TRIM24: variants seen among roughly 807,000 people sequenced by gnomAD.
TRIM24 encodes tripartite motif containing 24, also known as transcription intermediary factor 1-alpha.
A neutral mutation model predicts 123.9 loss-of-function variants in TRIM24; 29 were observed. That is an observed-to-expected ratio of 0.23 (90% CI 0.17 to 0.32). The LOEUF is 0.32. Among genes scored for constraint, TRIM24 ranks in the 10% least tolerant of loss-of-function variants. The pLI, the probability that TRIM24 is intolerant of heterozygous loss-of-function variation, is 1.00. For synonymous variants in TRIM24, 456 were observed against 461.1 expected (o/e 0.99, Z 0.14); for missense variants, 932 against 1,295.3 (o/e 0.72, Z 4.31).
chr7:138,548,527 T>C (rs1459207667), intron 7 of TRIM24, among the ~76,000 whole-genome samples: 1 of 152,154 alleles, frequency 6.6e-6, no homozygotes, highest in African/African-American at 2.4e-5. Flanking sequence ...GATGAATGAC[T>C]GTGAAGGCGT....
intron 8 of TRIM24, among the ~76,000 whole-genome samples, chr7:138,551,473 G>A (rs148371591): frequency 2.0e-5 from 3 of 152,220 alleles, no homozygotes; most frequent in Non-Finnish European, 2.9e-5. Flanking sequence ...AAGAAAATAT[G>A]TTCTCTCACT....
intron 1 of TRIM24, among the ~76,000 whole-genome samples, chr7:138,476,681 G>A (rs1281848876): frequency 6.6e-6 from 1 of 151,824 alleles, no homozygotes; most frequent in Non-Finnish European, 1.5e-5. Context: ...AGGAAAGGAA[G>A]ATAATCCATT....
intron 1 of TRIM24, among the ~76,000 whole-genome samples, chr7:138,464,748 CTT>C (rs981864699): frequency 6.6e-5 from 10 of 152,080 alleles, no homozygotes; most frequent in African/African-American, 2.2e-4. Flanking sequence ...ATTTCATACA[CTT>C]TTTAGATTTC....
chr7:138,533,567 A>C (rs1210162964), intron 6 of TRIM24, among the ~76,000 whole-genome samples: 1 of 152,172 alleles, frequency 6.6e-6, no homozygotes, highest in African/African-American at 2.4e-5. Context: ...GATGAAGCCC[A>C]CTTGATCATG....
Position 138,585,079 on chromosome 7 carries a change from C to G in TRIM24, c.*128C>G, listed in dbSNP as rs1400986106. On this transcript the variant is annotated 3_prime_UTR_variant, in exon 19 of 19. Transcript: ENST00000343526. ...TTCTCATCTCTGTTTTGGACGTTTACTAGACTTTGATTTCCTTAATAGCCC... is the reference window on the plus strand; with the variant it reads ...TTCTCATCTCTGTTTTGGACGTTTAGTAGACTTTGATTTCCTTAATAGCCC... 3 of 750,952 alleles carry G rather than the reference C, an allele frequency of 4.0e-6. No individual in the cohort carries two copies. In the East Asian group the frequency reaches 8.8e-5, roughly 22 times the overall value. 46.5% of individuals were successfully genotyped at this position (750,952 alleles called of 1,614,324 possible).
At chr7:138,583,401 C>T (rs1797944417) in intron 17 of TRIM24, among the ~76,000 whole-genome samples, 1 of 152,196 alleles carries the variant, frequency 6.6e-6, no homozygotes, top group Non-Finnish European at 1.5e-5. Flanking sequence ...AGGCAGATTG[C>T]TTGAACCCAG....
At chr7:138,566,222 AAT>A (rs1491153443) in intron 9 of TRIM24, among the ~76,000 whole-genome samples, 20 of 152,192 alleles carry the variant, frequency 1.3e-4, no homozygotes, top group Non-Finnish European at 2.6e-4. Flanking sequence ...TTGCTTTGAA[AAT>A]ATGTTTTCTG....
chr7:138,556,922 C>T (rs895513588), intron 9 of TRIM24, among the ~76,000 whole-genome samples: 4 of 152,208 alleles, frequency 2.6e-5, no homozygotes, highest in African/African-American at 9.7e-5. Context: ...ATTTAAATGG[C>T]ACAAAACTCG....
At chr7:138,568,379 C>CT (rs60386130) in intron 10 of TRIM24, among the ~76,000 whole-genome samples, 2,116 of 68,636 alleles carry the variant, frequency 0.031, 132 homozygotes, top group African/African-American at 0.033. Flanking sequence ...ACCTGGCCTC[C>CT]TTTTTTTTTT....
At chr7:138,582,184 C>CA (rs1283393472) in intron 17 of TRIM24, among the ~76,000 whole-genome samples, 1 of 152,072 alleles carries the variant, frequency 6.6e-6, no homozygotes, top group Non-Finnish European at 1.5e-5. Flanking sequence ...GTTACCAATA[C>CA]AAAAAAAGTT....
chr7:138,509,323 T>TAATAG (rs1281104169), intron 2 of TRIM24, among the ~76,000 whole-genome samples: 1 of 148,386 alleles, frequency 6.7e-6, no homozygotes, highest in Non-Finnish European at 1.5e-5. Context: ...ATGTATAATA[T>TAATAG]ATATATAATA....
At chr7:138,500,738 G>A (rs768258761) in intron 1 of TRIM24, among the ~76,000 whole-genome samples, 6 of 151,834 alleles carry the variant, frequency 4.0e-5, no homozygotes, top group Non-Finnish European at 5.9e-5. Flanking sequence ...ATCCAGGCAT[G>A]GTGGTGCAGT....
intron 2 of TRIM24, among the ~76,000 whole-genome samples, chr7:138,505,146 A>G (rs1371372883): frequency 6.6e-6 from 1 of 152,212 alleles, no homozygotes; most frequent in East Asian, 1.9e-4. Flanking sequence ...ATTGATCTAT[A>G]AAGTTATATA....
rs1404579889 is a variant in TRIM24, at chr7:138,562,679, T to C, written c.1531-4802T>C. Among the ~76,000 whole-genome samples the C allele has an allele frequency of 2.6e-5, 4 of 152,188 alleles. No individual in the cohort carries two copies. In the South Asian group the frequency reaches 8.3e-4, roughly 32 times the overall value. ...TCTACTACCACTGGCATCTAATCTT[T>C]AGCCAGCCCGGGTGGGTTATCTTCA... On this transcript the variant is annotated intron_variant, in intron 9 of 18. Transcript: ENST00000343526.
intron 18 of TRIM24, among the ~76,000 whole-genome samples, chr7:138,584,372 CAGACTT>C (rs1797969049): frequency 6.6e-6 from 1 of 152,158 alleles, no homozygotes; most frequent in African/African-American, 2.4e-5. Context: ...ACACATCAGT[CAGACTT>C]AGAACCTTTT....
intron 1 of TRIM24, among the ~76,000 whole-genome samples, chr7:138,482,145 G>T (rs1163985517): frequency 2.0e-5 from 3 of 152,000 alleles, no homozygotes; most frequent in Non-Finnish European, 4.4e-5. Flanking sequence ...AAAGGGTCTT[G>T]CTATGTTGCC....
intron 4 of TRIM24, 94 bp from the exon 5 acceptor site, chr7:138,525,147 T>C: frequency 1.7e-6 from 1 of 572,270 alleles, no homozygotes; most frequent in Non-Finnish European, 2.9e-6. Flanking sequence ...ATAAATTCTT[T>C]ATAATCCTAT....
At chr7:138,576,310 C>T in intron 12 of TRIM24, 63 bp from the exon 13 acceptor site, 1 of 1,452,038 alleles carries the variant, frequency 6.9e-7, no homozygotes, top group Non-Finnish European at 9.7e-7. Flanking sequence ...TGAACACATT[C>T]AACAGGACTT....
chr7:138,483,053 G>A (rs1795564119), intron 1 of TRIM24, among the ~76,000 whole-genome samples: 1 of 152,002 alleles, frequency 6.6e-6, no homozygotes, highest in South Asian at 2.1e-4. Flanking sequence ...GAGTAGCTGG[G>A]ACTACAGGCA....
Sources: gnomAD v4.1 joint callset for allele counts (sites outside exome capture counted in the v4.1 genomes callset) on GRCh38, gnomAD v4.1.1 for gene constraint, MANE v1.5 for transcripts, NCBI Gene and HGNC (gene_info 2026-07-23, HGNC 2026-07-21) for gene names.